The following LPP variants were observed in gnomAD, a reference collection of about 807,000 sequenced individuals.
LPP encodes the protein LIM domain containing preferred translocation partner in lipoma.
In LPP, 38 loss-of-function variants were observed where a neutral mutation model predicts 60.4. The observed-to-expected ratio is 0.63, with a 90% confidence interval of 0.49 to 0.83. The LOEUF (loss-of-function observed/expected upper bound fraction) is 0.83. LPP is among the 40% of genes least tolerant of loss of function. LPP has a pLI of 0.00. For synonymous variants in LPP, 328 were observed against 290.8 expected (o/e 1.13, Z -1.30); for missense variants, 902 against 783.6 (o/e 1.15, Z -1.80).
rs142374028 is a variant in LPP at position 188,766,378 on chromosome 3, C to CAAAAAAAAAAAAAAAAA, written c.1410+6106_1410+6107insAAAAAAAAAAAAAAAAA. Reference sequence around the variant, plus strand: ...CTTGAGCATTTGAGGCCTTAAAAAGCAAAAAAAAAAGGTTAAAAATATTTA... The same window carrying CAAAAAAAAAAAAAAAAA: ...CTTGAGCATTTGAGGCCTTAAAAAGCAAAAAAAAAAAAAAAAAAAAAAAAAAAGGTTAAAAATATTTA... On this transcript the variant is annotated intron_variant, in intron 9 of 11. Transcript: ENST00000617246. Among the ~76,000 whole-genome samples, 396 of 124,368 alleles carry CAAAAAAAAAAAAAAAAA rather than the reference C, an allele frequency of 3.2e-3. 10 individuals are homozygous for CAAAAAAAAAAAAAAAAA. Among genetic ancestry groups the CAAAAAAAAAAAAAAAAA allele is most frequent in the African/African-American group, 7.7e-3 (268 of 34,916 alleles). 81.6% of individuals were successfully genotyped at this position (124,368 alleles called of 152,430 possible).
At chr3:188,506,616 T>G (rs1008184852) in intron 5 of LPP, among the ~76,000 whole-genome samples, 1 of 152,102 alleles carries the variant, frequency 6.6e-6, no homozygotes, top group Admixed American at 6.5e-5. Context: ...GAGCCTAAAT[T>G]TCTTAAGTGA....
In LPP at chr3:188,203,549, AT is replaced by A. The variant is rs375940437; in HGVS notation, c.-189-21851del. ...TAAATATATATTTAAATATATATAT[AT>A]TTTTAAATATATATAAATATATATT... On this transcript the variant is annotated intron_variant, in intron 1 of 11. Coordinates refer to ENST00000617246, the MANE Select transcript of LPP (RefSeq NM_001375462.1). 4.8e-5 allele frequency among the ~76,000 whole-genome samples: 4 copies of A among 84,008 alleles called. No individual in the cohort carries two copies. The East Asian group carries it at 2.0e-3, about 42-fold the overall frequency. The allele number at this position is 84,008 out of a possible 152,430, so 55.1% of individuals were successfully genotyped here.
intron 7 of LPP, among the ~76,000 whole-genome samples, chr3:188,635,013 A>G (rs1387514270): frequency 1.3e-5 from 2 of 152,176 alleles, no homozygotes; most frequent in Non-Finnish European, 2.9e-5. Context: ...CCGTCCTTCT[A>G]GATCTGGTTC....
At chr3:188,287,936 A>G (rs538401832) in intron 2 of LPP, among the ~76,000 whole-genome samples, 53 of 152,340 alleles carry the variant, frequency 3.5e-4, no homozygotes, top group African/African-American at 1.2e-3. Flanking sequence ...GTCAGATTCA[A>G]TGCTGGATGT....
At chr3:188,224,919 A>G (rs73887396) in intron 1 of LPP, among the ~76,000 whole-genome samples, 8,634 of 152,202 alleles carry the variant, frequency 0.057, 456 homozygotes, top group African/African-American at 0.14. Context: ...CACATATCCA[A>G]ATGATATCAA....
chr3:188,752,962 A>T (rs1416911642), intron 8 of LPP, among the ~76,000 whole-genome samples: 1 of 152,136 alleles, frequency 6.6e-6, no homozygotes, highest in African/African-American at 2.4e-5. Flanking sequence ...GCTTGTGGGG[A>T]TGGAGAAGTG....
At chr3:188,860,428 G>A (rs1265072359) in intron 9 of LPP, among the ~76,000 whole-genome samples, 1 of 152,054 alleles carries the variant, frequency 6.6e-6, no homozygotes, top group Non-Finnish European at 1.5e-5. Flanking sequence ...CCCAGTTCAT[G>A]TGGAAAATGA....
At chr3:188,211,243 G>T (rs773825422) in intron 1 of LPP, among the ~76,000 whole-genome samples, 17 of 152,148 alleles carry the variant, frequency 1.1e-4, no homozygotes, top group Non-Finnish European at 2.4e-4. Context: ...ACTGATTTGG[G>T]CTTGGGGTTT....
At chr3:188,494,009 T>C (rs1320733380) in intron 5 of LPP, among the ~76,000 whole-genome samples, 1 of 152,170 alleles carries the variant, frequency 6.6e-6, no homozygotes, top group African/African-American at 2.4e-5. Flanking sequence ...TGGCTCTGGA[T>C]ATCTGTTGTT....
chr3:188,763,070 G>A (rs1383192798), intron 9 of LPP, among the ~76,000 whole-genome samples: 4 of 152,158 alleles, frequency 2.6e-5, no homozygotes, highest in Non-Finnish European at 1.5e-5. Flanking sequence ...AAGATAGTTT[G>A]CATTAAGGAG....
chr3:188,478,896 G>A (rs553168110), intron 4 of LPP, among the ~76,000 whole-genome samples: 9 of 152,148 alleles, frequency 5.9e-5, no homozygotes, highest in Non-Finnish European at 1.2e-4. Context: ...TGGGATTACA[G>A]GCTCCTGCTA....
At chr3:188,596,365 C>G (rs530124549) in intron 6 of LPP, among the ~76,000 whole-genome samples, 9 of 152,262 alleles carry the variant, frequency 5.9e-5, no homozygotes, top group Admixed American at 5.9e-4. Flanking sequence ...CTAATAGTCA[C>G]TCTTCATGAA....
Position 188,750,616 on chromosome 3 carries a change from G to A in LPP, c.1241-9497G>A, listed in dbSNP as rs182995375. The stretch of plus-strand genomic sequence containing the variant: ...CCACTGCACTCCAACCTGGGCAACC[G>A]AGTGAGACTCCATCTCAAAAAATAA... On this transcript the variant is annotated intron_variant, in intron 8 of 11. Transcript: ENST00000617246. Among the ~76,000 whole-genome samples, 462 of 152,142 alleles carry A rather than the reference G, an allele frequency of 3.0e-3. 13 individuals carry two copies. Among genetic ancestry groups the A allele is most frequent in the Admixed American group, 0.024 (372 of 15,276 alleles).
rs148699919 is a variant in LPP at position 188,746,704 on chromosome 3, G to T, written c.1241-13409G>T. The T allele has an allele frequency of 9.8e-5, 33 of 335,426 alleles. No homozygotes were observed. In the East Asian group the frequency reaches 1.4e-3, roughly 14 times the overall value. 20.8% of individuals were successfully genotyped at this position (335,426 alleles called of 1,614,324 possible). A position where few individuals can be genotyped will look rare whatever the true frequency, so the allele number is the denominator to read the frequency against. On this transcript the variant is annotated intron_variant, in intron 8 of 11. Transcript: ENST00000617246. ...TCCCTATAAGCCTTAGTAAGGGAAAGCTCTTGACTTATCTCACTAGTTATT... is the reference window on the plus strand; with the variant it reads ...TCCCTATAAGCCTTAGTAAGGGAAATCTCTTGACTTATCTCACTAGTTATT...
chr3:188,573,325 A>G (rs1833918232), intron 6 of LPP, among the ~76,000 whole-genome samples: 1 of 152,158 alleles, frequency 6.6e-6, no homozygotes, highest in South Asian at 2.1e-4. Flanking sequence ...AGATACAAAT[A>G]TAGTTGAGAA....
At chr3:188,580,119 A>G (rs1381777304) in intron 6 of LPP, among the ~76,000 whole-genome samples, 1 of 152,174 alleles carries the variant, frequency 6.6e-6, no homozygotes, top group African/African-American at 2.4e-5. Context: ...CTACCGTGCA[A>G]TAACTGAATT....
chr3:188,264,965 C>A (rs1734967717), intron 2 of LPP, among the ~76,000 whole-genome samples: 2 of 152,148 alleles, frequency 1.3e-5, no homozygotes, highest in African/African-American at 2.4e-5. Context: ...GATTTATTTA[C>A]CTGATCTCCT....
At chr3:188,721,653 G>T (rs1290638690) in intron 8 of LPP, among the ~76,000 whole-genome samples, 1 of 152,192 alleles carries the variant, frequency 6.6e-6, no homozygotes, top group Admixed American at 6.5e-5. Flanking sequence ...AAGAAAAATT[G>T]ATAGGATACC....
intron 1 of LPP, among the ~76,000 whole-genome samples, chr3:188,203,648 T>A (rs1384583702): frequency 3.7e-5 from 5 of 133,952 alleles, no homozygotes; most frequent in African/African-American, 1.4e-4. Flanking sequence ...GTATATATAT[T>A]TTTTCTCTTT....
Sources: allele counts gnomAD v4.1 joint callset (sites outside exome capture counted in the v4.1 genomes callset), GRCh38; gene constraint gnomAD v4.1.1; transcripts MANE v1.5; gene names NCBI Gene and HGNC (gene_info 2026-07-23, HGNC 2026-07-21).